TMC7: variants seen among roughly 807,000 people sequenced by gnomAD.
TMC7 encodes transmembrane channel like 7.
A neutral mutation model predicts 82.9 loss-of-function variants in TMC7; 54 were observed. The ratio of observed to expected loss-of-function variants is 0.65; its 90% CI spans 0.52 to 0.82. TMC7 has a LOEUF of 0.82. TMC7 is among the 40% of genes least tolerant of loss of function. The probability of loss-of-function intolerance (pLI) is 0.00; values close to 1 mark genes in which losing one functional copy is unlikely to be tolerated. For missense variants in TMC7, 820 were observed against 901.2 expected (o/e 0.91, Z 1.15); for synonymous variants, 350 against 337.9 (o/e 1.04, Z -0.39).
chr16:19,030,144 T>C, intron 5 of TMC7, 80 bp from the exon 6 acceptor site: 1 of 1,448,994 alleles, frequency 6.9e-7, no homozygotes, highest in Non-Finnish European at 9.4e-7. Context: ...GGAACTTGTG[T>C]TCCTTGAGGC....
intron 5 of TMC7, among the ~76,000 whole-genome samples, chr16:19,024,109 G>A (rs1960114307): frequency 1.3e-5 from 2 of 152,168 alleles, no homozygotes; most frequent in African/African-American, 4.8e-5. Context: ...TATGGTAGTT[G>A]TAAAAGGTTT....
intron 3 of TMC7, among the ~76,000 whole-genome samples, chr16:19,020,856 A>AT (rs1383231492): frequency 7.2e-6 from 1 of 138,146 alleles, no homozygotes; most frequent in Non-Finnish European, 1.5e-5. Flanking sequence ...GGTGTCAAAA[A>AT]TAAATAAATA....
chr16:18,986,576 C>T (rs1181526251), intron 1 of TMC7, among the ~76,000 whole-genome samples: 7 of 152,002 alleles, frequency 4.6e-5, no homozygotes, highest in Admixed American at 6.6e-5. Context: ...AACAACTTTC[C>T]GGTGGCTTCT....
intron 2 of TMC7, among the ~76,000 whole-genome samples, chr16:19,013,851 CT>C (rs35402613): frequency 0.34 from 29,030 of 86,192 alleles, 3,940 homozygotes; most frequent in African/African-American, 0.48. Flanking sequence ...AGCACTCTTG[CT>C]TTTTTTTTTT....
At chr16:18,997,642 T>C (rs1356628731) in intron 1 of TMC7, among the ~76,000 whole-genome samples, 3 of 151,908 alleles carry the variant, frequency 2.0e-5, no homozygotes, top group Non-Finnish European at 4.4e-5. Context: ...AGTGCTGGGA[T>C]TGAGCCACCG....
chr16:19,055,591 C>G (rs1961734444), intron 13 of TMC7, among the ~76,000 whole-genome samples: 2 of 152,200 alleles, frequency 1.3e-5, no homozygotes, highest in South Asian at 4.1e-4. Flanking sequence ...CTCCTGACCT[C>G]ATGTGATACA....
intron 13 of TMC7, among the ~76,000 whole-genome samples, chr16:19,054,490 C>T (rs1055421977): frequency 2.0e-5 from 3 of 151,826 alleles, no homozygotes; most frequent in Admixed American, 6.6e-5. Flanking sequence ...CCAAGGAGGG[C>T]GGATCACCTG....
intron 1 of TMC7, among the ~76,000 whole-genome samples, chr16:18,990,447 A>G (rs551142721): frequency 2.6e-5 from 4 of 152,146 alleles, no homozygotes; most frequent in Non-Finnish European, 5.9e-5. Context: ...GGTGCCCGCC[A>G]CCATGCCCGG....
chr16:19,021,852 G>A, intron 4 of TMC7, 56 bp downstream of exon 4: 1 of 1,561,240 alleles, frequency 6.4e-7, no homozygotes, highest in Non-Finnish European at 8.7e-7. Context: ...CATGTACCTT[G>A]CTACAATGCT....
chr16:19,024,064 C>G (rs534248948), intron 5 of TMC7, among the ~76,000 whole-genome samples: 2 of 152,326 alleles, frequency 1.3e-5, no homozygotes, highest in South Asian at 4.1e-4. Context: ...CCCACCACCA[C>G]CCCAACTCTA....
At chr16:19,045,517 G>C (rs1428682348) in intron 11 of TMC7, 79 bp downstream of exon 11, 5 of 1,017,484 alleles carry the variant, frequency 4.9e-6, no homozygotes, top group Non-Finnish European at 7.8e-6. Context: ...ACAACTGGAG[G>C]GTCCCATTGC....
At chr16:19,060,021 GC>G (rs1961936526) in intron 15 of TMC7, 1 of 251,888 alleles carries the variant, frequency 4.0e-6, no homozygotes, top group South Asian at 5.2e-5. Context: ...CCTACTCTGT[GC>G]CTTGTACTAT....
intron 14 of TMC7, among the ~76,000 whole-genome samples, chr16:19,058,888 C>T (rs1961883045): frequency 6.6e-6 from 1 of 151,512 alleles, no homozygotes; most frequent in Non-Finnish European, 1.5e-5. Context: ...TTTTCTTTTC[C>T]TTTTTTTTAG....
chr16:19,005,239 G>A (rs1013844215), intron 1 of TMC7, among the ~76,000 whole-genome samples: 7 of 151,964 alleles, frequency 4.6e-5, no homozygotes, highest in African/African-American at 9.7e-5. Context: ...ACAGGCACCC[G>A]CCACCATGCC....
intron 2 of TMC7, among the ~76,000 whole-genome samples, chr16:19,016,102 T>C (rs1414455682): frequency 6.6e-6 from 1 of 152,072 alleles, no homozygotes; most frequent in Non-Finnish European, 1.5e-5. Flanking sequence ...TTTCTTTTCT[T>C]TCTTTTTTTT....
intron 7 of TMC7, among the ~76,000 whole-genome samples, chr16:19,036,601 A>G (rs1277239722): frequency 6.6e-6 from 1 of 152,090 alleles, no homozygotes; most frequent in Non-Finnish European, 1.5e-5. Flanking sequence ...CTGTAGTCCC[A>G]GCTACTTGGG....
intron 1 of TMC7, among the ~76,000 whole-genome samples, chr16:19,000,272 C>G (rs541434619): frequency 1.5e-4 from 23 of 151,672 alleles, no homozygotes; most frequent in Non-Finnish European, 2.8e-4. Context: ...TCGAGGGCAG[C>G]CTGGCCAGCA....
Position 19,044,963 on chromosome 16 carries a change from A to G in TMC7, c.1417A>G (p.Thr473Ala). The change falls in exon 10 of 16, where the codon ACA becomes GCA. Residue 473 changes from threonine (T) to alanine (A), a missense_variant. By Grantham distance (58) the Thr-to-Ala change is moderately conservative. Transcript: ENST00000304381. ...GSKITSCDDD[T>A]CDLCGYNQKL... The stretch of plus-strand genomic sequence containing the variant: ...CAAGATCACATCCTGTGATGATGAC[A>G]CATGTGACCTTTGCGGCTACAACCA... 1 of 1,613,942 alleles carries G rather than the reference A, an allele frequency of 6.2e-7. No homozygotes were observed. Among genetic ancestry groups the G allele is most frequent in the Non-Finnish European group, 8.5e-7 (1 of 1,179,986 alleles).
intron 1 of TMC7, among the ~76,000 whole-genome samples, chr16:18,989,090 C>G (rs1342392774): frequency 4.0e-5 from 6 of 151,486 alleles, no homozygotes; most frequent in Non-Finnish European, 8.8e-5. Flanking sequence ...AGTTGAACAA[C>G]TATTCTTTGG....
Sources: gnomAD v4.1 joint callset for allele counts (sites outside exome capture counted in the v4.1 genomes callset) on GRCh38, gnomAD v4.1.1 for gene constraint, MANE v1.5 for transcripts, NCBI Gene and HGNC (gene_info 2026-07-23, HGNC 2026-07-21) for gene names.